The following CNTN4 variants were observed in gnomAD, a reference collection of about 807,000 sequenced individuals.
The protein encoded by CNTN4 is contactin-4.
CNTN4 carries 77 observed loss-of-function variants against 122.5 expected under a neutral mutation model. The ratio of observed to expected loss-of-function variants is 0.63; its 90% CI spans 0.52 to 0.76. CNTN4 has a LOEUF of 0.76. CNTN4 is among the 30% of genes least tolerant of loss of function. The probability of loss-of-function intolerance (pLI) is 0.00; values close to 1 mark genes in which losing one functional copy is unlikely to be tolerated. For missense variants in CNTN4, 1,256 were observed against 1,259.1 expected (o/e 1.00, Z 0.04); for synonymous variants, 512 against 447.0 (o/e 1.15, Z -1.83).
chr3:2,951,384 C>A (rs891510133), intron 13 of CNTN4, among the ~76,000 whole-genome samples: 2 of 152,136 alleles, frequency 1.3e-5, no homozygotes, highest in African/African-American at 4.8e-5. Flanking sequence ...CAGGTCCTGT[C>A]CTGTGAGAAT....
chr3:2,730,892 T>C lies in CNTN4; in HGVS notation c.56-5323T>C, dbSNP rs192780272. Among the ~76,000 whole-genome samples the C allele has an allele frequency of 1.9e-3, 289 of 151,786 alleles. 1 individual carries two copies. The highest frequency in any genetic ancestry group is 6.6e-3 in the African/African-American group (274 of 41,362). On this transcript the variant is annotated intron_variant, in intron 4 of 24. Transcript: ENST00000418658. The stretch of plus-strand genomic sequence containing the variant: ...TGCCTGGGAGGGAAGTTCAGGAAAA[T>C]GTGGAAGTGGGCCAAATTAATTAAA...
rs758644498 is a variant in CNTN4, at chr3:2,745,483, T to C, written c.183-39T>C. ...TAGACAATTCAGAAATATTGATTAA[T>C]ATGACAAGACTTTATCTACTGGCAT... On this transcript the variant is annotated intron_variant, in intron 5 of 24. Transcript: ENST00000418658. 2.0e-6 allele frequency: 3 copies of C among 1,478,126 alleles called. No homozygotes were observed. In the African/African-American group the frequency reaches 4.2e-5, roughly 20 times the overall value. 91.6% of individuals were successfully genotyped at this position (1,478,126 alleles called of 1,614,324 possible).
At chr3:2,201,757 A>C (rs1251988901) in intron 2 of CNTN4, among the ~76,000 whole-genome samples, 1 of 152,082 alleles carries the variant, frequency 6.6e-6, no homozygotes, top group Non-Finnish European at 1.5e-5. Flanking sequence ...TATTTTTTTA[A>C]ATTTTTATTT....
At chr3:2,542,812 G>A (rs960799375) in intron 3 of CNTN4, among the ~76,000 whole-genome samples, 5 of 151,976 alleles carry the variant, frequency 3.3e-5, no homozygotes, top group Non-Finnish European at 7.4e-5. Context: ...ATGTTTCCTG[G>A]GCCAGATAGT....
chr3:2,210,423 G>C (rs750323382), intron 2 of CNTN4, among the ~76,000 whole-genome samples: 7 of 152,098 alleles, frequency 4.6e-5, no homozygotes, highest in Non-Finnish European at 7.4e-5. Flanking sequence ...ACCATTGTCT[G>C]CCTAAATCAC....
rs1553568223 is a variant in CNTN4 at position 2,120,370 on chromosome 3, T to TAA, written c.-145+19732_-145+19733insAA. Reference sequence around the variant, plus strand: ...TTTAGGTTATATATATATATATATATATAAATATATATATATATATATATA... The same window carrying TAA: ...TTTAGGTTATATATATATATATATATAAATAAATATATATATATATATATATA... On this transcript the variant is annotated intron_variant, in intron 2 of 24. Coordinates refer to ENST00000418658, the MANE Select transcript of CNTN4 (RefSeq NM_175607.3). Among the ~76,000 whole-genome samples, 125 of 87,660 alleles carry TAA rather than the reference T, an allele frequency of 1.4e-3. 4 individuals carry two copies. Among genetic ancestry groups the TAA allele is most frequent in the African/African-American group, 5.5e-3 (114 of 20,548 alleles). 57.5% of individuals were successfully genotyped at this position (87,660 alleles called of 152,430 possible). A position where few individuals can be genotyped will look rare whatever the true frequency, so the allele number is the denominator to read the frequency against.
chr3:2,807,035 T>C (rs897575393), intron 6 of CNTN4, among the ~76,000 whole-genome samples: 1 of 152,226 alleles, frequency 6.6e-6, no homozygotes, highest in African/African-American at 2.4e-5. Context: ...TTAAGCTCTT[T>C]GAGAAGAGAG....
chr3:2,606,542 T>G (rs1397506181), intron 4 of CNTN4, among the ~76,000 whole-genome samples: 2 of 152,224 alleles, frequency 1.3e-5, no homozygotes, highest in Non-Finnish European at 2.9e-5. Context: ...TAATGGGTTT[T>G]AAGAGGACTT....
intron 3 of CNTN4, among the ~76,000 whole-genome samples, chr3:2,478,613 G>C: frequency 6.6e-6 from 1 of 152,020 alleles, no homozygotes; most frequent in Non-Finnish European, 1.5e-5. Flanking sequence ...GCTCCAGTTT[G>C]TGTTGTTCCC....
intron 3 of CNTN4, among the ~76,000 whole-genome samples, chr3:2,518,287 T>C (rs989724300): frequency 6.2e-4 from 94 of 152,178 alleles, no homozygotes; most frequent in African/African-American, 2.2e-3. Context: ...ACCTTTAATG[T>C]TCATCAAGGG....
At chr3:2,397,874 C>T (rs1243167524) in intron 3 of CNTN4, among the ~76,000 whole-genome samples, 2 of 152,106 alleles carry the variant, frequency 1.3e-5, no homozygotes, top group African/African-American at 4.8e-5. Context: ...AACCCCAGTG[C>T]TCTTTGACTT....
chr3:2,725,237 C>A (rs373518906), intron 4 of CNTN4, among the ~76,000 whole-genome samples: 7 of 152,146 alleles, frequency 4.6e-5, no homozygotes, highest in African/African-American at 1.7e-4. Flanking sequence ...TGAAATTACC[C>A]TTCTATGCCC....
intron 3 of CNTN4, among the ~76,000 whole-genome samples, chr3:2,462,853 C>T (rs2049278966): frequency 6.6e-6 from 1 of 152,084 alleles, no homozygotes; most frequent in South Asian, 2.1e-4. Flanking sequence ...AAAGAAATTT[C>T]CTTATAAAAT....
At position 3,028,092 on chromosome 3, in the gene CNTN4, A is replaced by G. The variant is rs1314065645; in HGVS notation, c.1662+1815A>G. On this transcript the variant is annotated intron_variant, in intron 15 of 24. Transcript: ENST00000418658. Reference sequence around the variant, plus strand: ...ACAATAGAAGAGATAAGCAAGCGCAATTTTGAAGTCAAGCCTATTTCAGCT... The same window carrying G: ...ACAATAGAAGAGATAAGCAAGCGCAGTTTTGAAGTCAAGCCTATTTCAGCT... 3.3e-5 allele frequency among the ~76,000 whole-genome samples: 5 copies of G among 152,204 alleles called. No homozygotes were observed. The South Asian group carries it at 6.2e-4, about 19-fold the overall frequency.
chr3:2,667,143 C>G (rs1192956762), intron 4 of CNTN4, among the ~76,000 whole-genome samples: 1 of 152,112 alleles, frequency 6.6e-6, no homozygotes, highest in Non-Finnish European at 1.5e-5. Context: ...ATTTCTAGTT[C>G]TAGATCCCTG....
rs148912299 is a variant in CNTN4, at chr3:2,203,218, A to G, written c.-145+102579A>G. Among the ~76,000 whole-genome samples the G allele has an allele frequency of 3.3e-5, 5 of 152,262 alleles. No individual in the cohort carries two copies. The East Asian group carries it at 9.7e-4, about 29-fold the overall frequency. ...CTTTTACACAGTATTTAACATTTTC[A>G]GGTGTGTAAAATGAAAGCATTAGGA... On this transcript the variant is annotated intron_variant, in intron 2 of 24. Coordinates refer to ENST00000418658, the MANE Select transcript of CNTN4 (RefSeq NM_175607.3).
At chr3:2,239,367 G>A (rs1002039034) in intron 2 of CNTN4, among the ~76,000 whole-genome samples, 1 of 152,150 alleles carries the variant, frequency 6.6e-6, no homozygotes, top group African/African-American at 2.4e-5. Context: ...GCTAATGCTT[G>A]TCTAAGCTAC....
At chr3:2,873,497 A>G (rs2093809461) in intron 8 of CNTN4, among the ~76,000 whole-genome samples, 1 of 152,238 alleles carries the variant, frequency 6.6e-6, no homozygotes, top group African/African-American at 2.4e-5. Context: ...CATTCCCCAC[A>G]AACTTCTAAA....
chr3:2,771,470 A>T (rs2091097172), intron 6 of CNTN4, among the ~76,000 whole-genome samples: 1 of 152,174 alleles, frequency 6.6e-6, no homozygotes, highest in Admixed American at 6.5e-5. Context: ...TCTCACACAT[A>T]TCACTCCAAT....
Sources: gnomAD v4.1 joint callset for allele counts (sites outside exome capture counted in the v4.1 genomes callset) on GRCh38, gnomAD v4.1.1 for gene constraint, MANE v1.5 for transcripts, NCBI Gene and HGNC (gene_info 2026-07-23, HGNC 2026-07-21) for gene names.